Variants in CDH20 observed in about 807,000 individuals in gnomAD.
CDH20 encodes cadherin-20.
CDH20 carries 29 observed loss-of-function variants against 74.2 expected under a neutral mutation model. The ratio of observed to expected loss-of-function variants is 0.39; its 90% CI spans 0.29 to 0.53. CDH20 has a LOEUF of 0.53. CDH20 is among the 20% of genes least tolerant of loss of function. The probability of loss-of-function intolerance (pLI) is 0.69; values close to 1 mark genes in which losing one functional copy is unlikely to be tolerated. For missense variants in CDH20, 988 were observed against 1,048.3 expected, an observed-to-expected ratio of 0.94 and a Z score of 0.79; for synonymous variants, 469 against 405.4, an observed-to-expected ratio of 1.16 and a Z score of -1.88.
At position 61,545,323 on chromosome 18, in the gene CDH20, G is replaced by A. The variant is rs1404023788; in HGVS notation, c.1648+179G>A. On this transcript the variant is annotated intron_variant, in intron 10 of 11. Transcript: ENST00000262717. ...GATGGGGTCTATGTTGGCCAGGTTG[G>A]TCTTGAACTCTTGGCTTCAAGCAGT... Among the ~76,000 whole-genome samples, 3 of 148,894 alleles carry A rather than the reference G, an allele frequency of 2.0e-5. No individual in the cohort carries two copies. In the East Asian group the frequency reaches 5.9e-4, roughly 29 times the overall value.
chr18:61,374,574 C>T (rs943727198), intron 1 of CDH20, among the ~76,000 whole-genome samples: 5 of 152,022 alleles, frequency 3.3e-5, no homozygotes, highest in Non-Finnish European at 5.9e-5. Context: ...AGGATGAGAT[C>T]GACTAGCATT....
chr18:61,369,045 C>T (rs1174369555), intron 1 of CDH20, among the ~76,000 whole-genome samples: 1 of 151,726 alleles, frequency 6.6e-6, no homozygotes, highest in Admixed American at 6.6e-5. Flanking sequence ...TGGAAATGTT[C>T]TATAGAAACT....
intron 1 of CDH20, among the ~76,000 whole-genome samples, chr18:61,395,982 A>T (rs1287311623): frequency 6.6e-6 from 1 of 152,068 alleles, no homozygotes; most frequent in African/African-American, 2.4e-5. Context: ...CTTGCAGTGA[A>T]GTGAAGATTG....
intron 1 of CDH20, among the ~76,000 whole-genome samples, chr18:61,442,978 G>T (rs1165063383): frequency 6.6e-6 from 1 of 151,860 alleles, no homozygotes; most frequent in East Asian, 1.9e-4. Flanking sequence ...GAGTGAAAGA[G>T]CGTACGCATA....
chr18:61,531,472 A>G lies in CDH20; in HGVS notation c.1271+3252A>G, dbSNP rs192785559. ...TGAAAGAGAAGACTGTCATGAGCCA[A>G]TCGGTGTTTTTTTATTTTATATTAG... On this transcript the variant is annotated intron_variant, in intron 7 of 11. Transcript: ENST00000262717. Among the ~76,000 whole-genome samples the G allele has an allele frequency of 1.8e-3, 268 of 152,358 alleles. 1 individual carries two copies. The highest frequency in any genetic ancestry group is 6.0e-3 in the African/African-American group (251 of 41,592).
At chr18:61,415,420 C>T (rs1283342522) in intron 1 of CDH20, among the ~76,000 whole-genome samples, 1 of 152,168 alleles carries the variant, frequency 6.6e-6, no homozygotes, top group Non-Finnish European at 1.5e-5. Flanking sequence ...ACAGCACTGT[C>T]ACACACTTTG....
chr18:61,432,117 G>A (rs530131108), intron 1 of CDH20, among the ~76,000 whole-genome samples: 11 of 151,700 alleles, frequency 7.3e-5, no homozygotes, highest in African/African-American at 1.5e-4. Context: ...GCATGGTGGC[G>A]GGCGCCTGTA....
At chr18:61,425,190 A>G (rs1363407071) in intron 1 of CDH20, among the ~76,000 whole-genome samples, 2 of 152,154 alleles carry the variant, frequency 1.3e-5, no homozygotes, top group Non-Finnish European at 2.9e-5. Context: ...GAGGGGAACT[A>G]AAGTCCTAGA....
At chr18:61,481,828 G>T (rs977697576) in intron 1 of CDH20, among the ~76,000 whole-genome samples, 1 of 152,122 alleles carries the variant, frequency 6.6e-6, no homozygotes, top group African/African-American at 2.4e-5. Flanking sequence ...AGGATTACAA[G>T]TATGAACCCA....
rs528162666 is a variant in CDH20 at position 61,334,141 on chromosome 18, G to C, written c.-153+314G>C. 7.9e-5 allele frequency: 12 copies of C among 152,390 alleles called. 1 individual carries two copies. Among genetic ancestry groups the C allele is most frequent in the African/African-American group, 2.9e-4 (12 of 41,568 alleles). The allele number at this position is 152,390 out of a possible 1,614,324, so 9.4% of individuals were successfully genotyped here. A position where few individuals can be genotyped will look rare whatever the true frequency, so the allele number is the denominator to read the frequency against. ...GGGAGCGGGGACTGCGCGCGCCTGG[G>C]GATGGTGACTGGGGATCCAGGAGCG... is the stretch of plus-strand genomic sequence containing the variant. On this transcript the variant is annotated intron_variant, in intron 1 of 11. Coordinates refer to ENST00000262717, the MANE Select transcript of CDH20 (RefSeq NM_031891.4).
At chr18:61,424,222 C>T (rs1912989643) in intron 1 of CDH20, among the ~76,000 whole-genome samples, 1 of 152,208 alleles carries the variant, frequency 6.6e-6, no homozygotes, top group African/African-American at 2.4e-5. Context: ...GTGTTGGAAA[C>T]ATTTCAAGTC....
chr18:61,404,911 G>A, intron 1 of CDH20: 1 of 688,030 alleles, frequency 1.5e-6, no homozygotes, highest in East Asian at 2.8e-5. Context: ...GAATCACCTG[G>A]ATCAATGATA....
Position 61,426,857 on chromosome 18 carries a change from C to T in CDH20, c.-152-63545C>T, listed in dbSNP as rs185457690. On this transcript the variant is annotated intron_variant, in intron 1 of 11. Transcript: ENST00000262717. ...TGCTCTGTCAGGACATCAAGTATCC[C>T]TGGTAATCTCTGTGATGACTCCAGC... Among the ~76,000 whole-genome samples the T allele has an allele frequency of 3.6e-3, 545 of 152,278 alleles. 2 individuals carry two copies. Among genetic ancestry groups the T allele is most frequent in the Admixed American group, 8.1e-3 (124 of 15,294 alleles).
rs771784359 is a variant in CDH20 at position 61,545,069 on chromosome 18, A to G, written c.1573A>G (p.Asn525Asp). 65 of 1,613,860 alleles carry G rather than the reference A, an allele frequency of 4.0e-5. No homozygotes were observed. The highest frequency in any genetic ancestry group is 5.4e-5 in the Non-Finnish European group (64 of 1,179,950). The change falls in exon 10 of 12, where the codon AAT (asparagine) becomes GAT (aspartate). Residue 525 changes from asparagine (N) to aspartate (D), a missense_variant. Asn to Asp is a conservative substitution (Grantham distance 23). Coordinates refer to ENST00000262717, the MANE Select transcript of CDH20 (RefSeq NM_031891.4). ...VSAVDQDDPR[N>D]GQHFYYSLAP... ...TGCGGTGGACCAAGATGACCCACGC[A>G]ATGGTCAGCATTTCTACTACAGCTT... is the stretch of plus-strand genomic sequence containing the variant.
In CDH20 at chr18:61,554,580, A is replaced by C. The variant is rs762706097; in HGVS notation, c.2291A>C (p.Gln764Pro). The change falls in exon 12 of 12, where the codon CAG becomes CCG. Residue 764 changes from glutamine (Q) to proline (P), a missense_variant. Coordinates refer to ENST00000262717, the MANE Select transcript of CDH20 (RefSeq NM_031891.4). ...GTGGCGGGGTCGCTGAGCTCCCTGC[A>C]GTCGGCCACGTCGGACTCGGAACAG... ...GSVAGSLSSL[Q>P]SATSDSEQSF... 9 of 1,609,502 alleles carry C rather than the reference A, an allele frequency of 5.6e-6. No individual in the cohort carries two copies. The South Asian group carries it at 8.8e-5, about 16-fold the overall frequency.
At position 61,554,590 on chromosome 18, in the gene CDH20, G is replaced by C. The variant is rs1391080148; in HGVS notation, c.2301G>C (p.Thr767=). Residue 767 remains threonine, a synonymous_variant, in exon 12 of 12, where the codon ACG becomes ACC. Coordinates refer to ENST00000262717, the MANE Select transcript of CDH20 (RefSeq NM_031891.4). ...CGCTGAGCTCCCTGCAGTCGGCCAC[G>C]TCGGACTCGGAACAGAGCTTCGACT... ...AGSLSSLQSA[T]SDSEQSFDFL... is the part of the protein sequence containing the mutation. 1.2e-6 allele frequency: 2 copies of C among 1,608,836 alleles called. No homozygotes were observed. Among genetic ancestry groups the C allele is most frequent in the African/African-American group, 1.3e-5 (1 of 74,878 alleles).
intron 1 of CDH20, among the ~76,000 whole-genome samples, chr18:61,426,678 A>C (rs1913081362): frequency 6.6e-6 from 1 of 152,294 alleles, no homozygotes; most frequent in South Asian, 2.1e-4. Flanking sequence ...ACAAGGACTG[A>C]CTTAATGGCC....
At chr18:61,460,638 AG>A (rs1180961512) in intron 1 of CDH20, among the ~76,000 whole-genome samples, 1 of 152,202 alleles carries the variant, frequency 6.6e-6, no homozygotes. Context: ...TTACTAGGGT[AG>A]CACCACCATC....
chr18:61,466,669 G>A (rs1290943638), intron 1 of CDH20, among the ~76,000 whole-genome samples: 2 of 152,200 alleles, frequency 1.3e-5, no homozygotes, highest in Non-Finnish European at 2.9e-5. Flanking sequence ...GACTAACCTA[G>A]TAAAGTTTTG....
Sources: allele counts gnomAD v4.1 joint callset (sites outside exome capture counted in the v4.1 genomes callset), GRCh38; gene constraint gnomAD v4.1.1; transcripts MANE v1.5; gene names NCBI Gene and HGNC (gene_info 2026-07-23, HGNC 2026-07-21).